CHST9: variants seen among roughly 807,000 people sequenced by gnomAD.
The protein encoded by CHST9 is carbohydrate sulfotransferase 9.
Under a neutral mutation model 44.4 loss-of-function variants are expected in CHST9, and 41 were observed. The ratio of observed to expected loss-of-function variants is 0.92; its 90% CI spans 0.72 to 1.20. The LOEUF is 1.20. Ranked by LOEUF, CHST9 falls within the 50% of genes most tolerant of loss-of-function variation. The pLI is 0.00. For synonymous variants in CHST9, 171 were observed against 178.4 expected (o/e 0.96, Z 0.33); for missense variants, 504 against 516.5 (o/e 0.98, Z 0.23).
intron 2 of CHST9, among the ~76,000 whole-genome samples, chr18:27,091,819 T>G (rs569324052): frequency 1.3e-5 from 2 of 152,332 alleles, no homozygotes; most frequent in South Asian, 2.1e-4. Context: ...GTGGATAAGC[T>G]TTTTGATGTG....
At position 27,041,486 on chromosome 18, in the gene CHST9, C is replaced by T. The variant is rs527650407; in HGVS notation, c.160+6979G>A. On this transcript the variant is annotated intron_variant, in intron 3 of 5. Coordinates refer to ENST00000618847, the MANE Select transcript of CHST9 (RefSeq NM_031422.6). ...TGTGATGCAGCTGAAGATAATACTTCTCCCCTGCCACCTAAAGAAAGCATG... is the reference window on the plus strand; with the variant it reads ...TGTGATGCAGCTGAAGATAATACTTTTCCCCTGCCACCTAAAGAAAGCATG... 2.6e-5 allele frequency among the ~76,000 whole-genome samples: 4 copies of T among 152,242 alleles called. 1 individual carries two copies. Among genetic ancestry groups the T allele is most frequent in the African/African-American group, 7.2e-5 (3 of 41,552 alleles).
At chr18:27,121,089 C>A (rs1042043640) in intron 2 of CHST9, among the ~76,000 whole-genome samples, 32 of 152,258 alleles carry the variant, frequency 2.1e-4, no homozygotes, top group Non-Finnish European at 3.1e-4. Flanking sequence ...GAAGCCTTGA[C>A]CTTCCTGGGC....
chr18:26,998,432 A>G (rs2056910416), intron 4 of CHST9, among the ~76,000 whole-genome samples: 2 of 152,230 alleles, frequency 1.3e-5, no homozygotes, highest in Admixed American at 1.3e-4. Flanking sequence ...GAGTATAAAC[A>G]TATCCAGATT....
At chr18:27,111,858 G>A (rs1414250480) in intron 2 of CHST9, among the ~76,000 whole-genome samples, 1 of 152,044 alleles carries the variant, frequency 6.6e-6, no homozygotes, top group Admixed American at 6.6e-5. Flanking sequence ...CTTAGGCATT[G>A]CTCTTCTGCC....
chr18:27,089,810 C>T lies in CHST9; in HGVS notation c.122-41307G>A, dbSNP rs1157642504. 2.1e-4 allele frequency among the ~76,000 whole-genome samples: 26 copies of T among 124,708 alleles called. No homozygotes were observed. The East Asian group carries it at 6.0e-3, about 29-fold the overall frequency. 81.8% of individuals were successfully genotyped at this position (124,708 alleles called of 152,430 possible). ...CTCTGCAGCATCTGTTGTTTCCTGA[C>T]TTTTTTTTTTTTTTTTTTGAGACAG... On this transcript the variant is annotated intron_variant, in intron 2 of 5. Transcript: ENST00000618847.
At chr18:27,172,735 C>T (rs1408911085) in intron 1 of CHST9, among the ~76,000 whole-genome samples, 1 of 151,928 alleles carries the variant, frequency 6.6e-6, no homozygotes, top group Non-Finnish European at 1.5e-5. Flanking sequence ...AAACTCGAAA[C>T]TCTCCCTCTT....
chr18:26,946,167 G>A (rs781402397), intron 4 of CHST9, among the ~76,000 whole-genome samples: 3 of 152,074 alleles, frequency 2.0e-5, no homozygotes, highest in African/African-American at 7.2e-5. Context: ...GTTTATATGC[G>A]GAGTGTTTAA....
chr18:27,084,940 C>T (rs561376928), intron 2 of CHST9, among the ~76,000 whole-genome samples: 11 of 149,736 alleles, frequency 7.3e-5, no homozygotes, highest in African/African-American at 2.7e-4. Context: ...GTTTAATTTC[C>T]ATGAAATTAT....
At chr18:27,023,684 G>T (rs891914693) in intron 4 of CHST9, among the ~76,000 whole-genome samples, 1 of 152,114 alleles carries the variant, frequency 6.6e-6, no homozygotes, top group African/African-American at 2.4e-5. Context: ...AAATTCTCAA[G>T]AATTCTGTAT....
intron 3 of CHST9, among the ~76,000 whole-genome samples, chr18:27,032,814 G>A (rs1012395077): frequency 1.3e-5 from 2 of 152,212 alleles, no homozygotes; most frequent in African/African-American, 4.8e-5. Context: ...AGGTGAGAAA[G>A]GTGAAGGTCA....
chr18:27,134,645 G>A (rs893399797), intron 2 of CHST9, among the ~76,000 whole-genome samples: 5 of 152,264 alleles, frequency 3.3e-5, no homozygotes, highest in Admixed American at 1.3e-4. Context: ...ACAGAGCATG[G>A]ATTGGTGACA....
intron 2 of CHST9, among the ~76,000 whole-genome samples, chr18:27,090,592 A>T (rs1478579609): frequency 2.6e-5 from 4 of 152,020 alleles, no homozygotes; most frequent in African/African-American, 9.7e-5. Context: ...CTAACATTTA[A>T]GTCTTTAATC....
At chr18:26,940,482 T>C (rs1199444894) in intron 5 of CHST9, among the ~76,000 whole-genome samples, 1 of 152,188 alleles carries the variant, frequency 6.6e-6, no homozygotes, top group Non-Finnish European at 1.5e-5. Context: ...AGTTTTTATT[T>C]CTCAGCAAGA....
chr18:26,969,372 CTCTCTGTGTGTGTGTGTG>C (rs1396202159), intron 4 of CHST9, among the ~76,000 whole-genome samples: 4 of 122,072 alleles, frequency 3.3e-5, no homozygotes, highest in Admixed American at 8.7e-5. Context: ...CTCTCTCTCT[CTCTCTGTGTGTGTGTGTG>C]TGTGTGTGTG....
chr18:27,086,157 T>A (rs1047809417), intron 2 of CHST9, among the ~76,000 whole-genome samples: 4 of 152,146 alleles, frequency 2.6e-5, no homozygotes, highest in Non-Finnish European at 4.4e-5. Context: ...AAAAACTACC[T>A]ATCGGGTACT....
At chr18:27,081,683 A>G (rs998332216) in intron 2 of CHST9, among the ~76,000 whole-genome samples, 2 of 152,186 alleles carry the variant, frequency 1.3e-5, no homozygotes, top group African/African-American at 4.8e-5. Context: ...ATGTTGTGAT[A>G]TTTCTTTATT....
At chr18:26,990,152 T>C (rs775273398) in intron 4 of CHST9, among the ~76,000 whole-genome samples, 1 of 152,102 alleles carries the variant, frequency 6.6e-6, no homozygotes, top group Non-Finnish European at 1.5e-5. Flanking sequence ...TGGAAATGAG[T>C]ACATACCATA....
intron 5 of CHST9, among the ~76,000 whole-genome samples, chr18:26,939,716 C>G (rs2056053826): frequency 6.6e-6 from 1 of 152,158 alleles, no homozygotes; most frequent in African/African-American, 2.4e-5. Flanking sequence ...AGGCCTGATT[C>G]ATTGCTTGGA....
At chr18:27,021,036 T>C (rs2057220376) in intron 4 of CHST9, among the ~76,000 whole-genome samples, 2 of 152,176 alleles carry the variant, frequency 1.3e-5, no homozygotes, top group Admixed American at 1.3e-4. Flanking sequence ...TTTTTATTAA[T>C]AGTTAGCTGA....
Sources: allele counts gnomAD v4.1 joint callset (sites outside exome capture counted in the v4.1 genomes callset), GRCh38; gene constraint gnomAD v4.1.1; transcripts MANE v1.5; gene names NCBI Gene and HGNC (gene_info 2026-07-23, HGNC 2026-07-21).